The following EXOC4 variants were observed in gnomAD, a reference collection of about 807,000 sequenced individuals.
EXOC4 encodes exocyst complex component 4.
A neutral mutation model predicts 107.2 loss-of-function variants in EXOC4; 71 were observed. The ratio of observed to expected loss-of-function variants is 0.66; its 90% CI spans 0.55 to 0.81. The LOEUF (loss-of-function observed/expected upper bound fraction) is 0.81, where lower values mean the gene tolerates loss of function less well. EXOC4 is among the 30% of genes least tolerant of loss of function. The probability of loss-of-function intolerance (pLI) is 0.00; values close to 1 mark genes in which losing one functional copy is unlikely to be tolerated. For missense variants in EXOC4, 1,108 were observed against 1,189.6 expected, an observed-to-expected ratio of 0.93 and a Z score of 1.01; for synonymous variants, 456 against 441.2, an observed-to-expected ratio of 1.03 and a Z score of -0.42.
chr7:133,795,640 A>G (rs1471014639), intron 10 of EXOC4, among the ~76,000 whole-genome samples: 1 of 152,174 alleles, frequency 6.6e-6, no homozygotes, highest in Non-Finnish European at 1.5e-5. Context: ...CTCTATATGA[A>G]TTTGCCTTTT....
chr7:133,778,781 T>C (rs761377069), intron 10 of EXOC4, among the ~76,000 whole-genome samples: 6 of 152,246 alleles, frequency 3.9e-5, no homozygotes, highest in Non-Finnish European at 8.8e-5. Context: ...TATTAGTCTA[T>C]AATGTGGTCT....
intron 12 of EXOC4, among the ~76,000 whole-genome samples, chr7:133,907,573 C>T (rs1799595093): frequency 6.6e-6 from 1 of 152,124 alleles, no homozygotes; most frequent in African/African-American, 2.4e-5. Context: ...CAGGGTGGCT[C>T]ACACCTGTAA....
At chr7:134,090,551 A>C in the EXOC4 span, among the ~76,000 whole-genome samples, 1 of 152,160 alleles carries the variant, frequency 6.6e-6, no homozygotes, top group African/African-American at 2.4e-5. Flanking sequence ...CATTAATTCA[A>C]CTGGTTAGCA....
intron 10 of EXOC4, among the ~76,000 whole-genome samples, chr7:133,797,118 C>T (rs947265842): frequency 9.9e-5 from 15 of 152,110 alleles, no homozygotes; most frequent in African/African-American, 3.6e-4. Flanking sequence ...GGCTTAGGAA[C>T]GTTTGGAGTT....
chr7:133,350,915 A>G (rs1176334980), intron 5 of EXOC4, among the ~76,000 whole-genome samples: 1 of 152,014 alleles, frequency 6.6e-6, no homozygotes. Context: ...TAGCTTATAT[A>G]TATTATAGCT....
intron 7 of EXOC4, among the ~76,000 whole-genome samples, chr7:133,463,540 G>T (rs1798644241): frequency 6.6e-6 from 1 of 152,144 alleles, no homozygotes; most frequent in East Asian, 1.9e-4. Flanking sequence ...TAATAAAAAT[G>T]GAAGAGAGCA....
At chr7:133,647,190 A>G (rs1022068485) in intron 10 of EXOC4, among the ~76,000 whole-genome samples, 1 of 152,158 alleles carries the variant, frequency 6.6e-6, no homozygotes, top group Non-Finnish European at 1.5e-5. Context: ...GAATCCTCTT[A>G]TTTTGGATCA....
chr7:134,056,813 A>C (rs1164569368), intron 17 of EXOC4, among the ~76,000 whole-genome samples: 2 of 152,206 alleles, frequency 1.3e-5, no homozygotes, highest in African/African-American at 4.8e-5. Context: ...GGGAACAAAA[A>C]GAAATTTTCT....
At chr7:133,485,002 C>A (rs539586438) in intron 9 of EXOC4, among the ~76,000 whole-genome samples, 1 of 149,842 alleles carries the variant, frequency 6.7e-6, no homozygotes, top group Non-Finnish European at 1.5e-5. Context: ...ATCGCTTGAA[C>A]CTGGAAGGTG....
chr7:133,602,153 GTATC>G (rs1801823568), intron 9 of EXOC4: 1 of 152,188 alleles, frequency 6.6e-6, no homozygotes, highest in Admixed American at 6.5e-5. Context: ...AAACAAATTT[GTATC>G]TATAGAAGGT....
rs531914635 is a variant in EXOC4 at position 133,680,280 on chromosome 7, A to G, written c.1514+50139A>G. ...TTATTTTTTTGATCTTTTTTCATTC[A>G]CTACAATTCTAAATTGAAAAATCTC... On this transcript the variant is annotated intron_variant, in intron 10 of 17. Coordinates refer to ENST00000253861, the MANE Select transcript of EXOC4 (RefSeq NM_021807.4). Among the ~76,000 whole-genome samples the G allele has an allele frequency of 2.6e-5, 4 of 152,270 alleles. No homozygotes were observed. In the East Asian group the frequency reaches 5.8e-4, roughly 22 times the overall value.
At chr7:133,725,696 A>T (rs557187313) in intron 10 of EXOC4, among the ~76,000 whole-genome samples, 4 of 152,116 alleles carry the variant, frequency 2.6e-5, no homozygotes, top group Non-Finnish European at 5.9e-5. Context: ...TTTCATAGGG[A>T]CTCTATGACA....
chr7:133,973,034 T>A (rs1313839307), intron 14 of EXOC4, among the ~76,000 whole-genome samples: 1 of 152,190 alleles, frequency 6.6e-6, no homozygotes, highest in Non-Finnish European at 1.5e-5. Flanking sequence ...CACTATCTTA[T>A]GAGGACATTA....
chr7:133,323,762 T>TG (rs1394847000), intron 5 of EXOC4, among the ~76,000 whole-genome samples: 2 of 152,212 alleles, frequency 1.3e-5, no homozygotes, highest in East Asian at 1.9e-4. Flanking sequence ...TTTCTGTTGA[T>TG]TGGAATAGTT....
intron 14 of EXOC4, among the ~76,000 whole-genome samples, chr7:133,939,105 A>G (rs1269320433): frequency 6.6e-6 from 1 of 152,224 alleles, no homozygotes; most frequent in Non-Finnish European, 1.5e-5. Flanking sequence ...AGAAAAAGCA[A>G]AAGAAACAGC....
At chr7:133,576,856 T>C (rs1287106359) in intron 9 of EXOC4, 1 of 1,289,296 alleles carries the variant, frequency 7.8e-7, no homozygotes, top group Non-Finnish European at 1.0e-6. Flanking sequence ...TCATCTGTTT[T>C]AAGATGAATT....
chr7:133,372,130 A>G (rs1796390366), intron 6 of EXOC4, among the ~76,000 whole-genome samples: 1 of 152,204 alleles, frequency 6.6e-6, no homozygotes, highest in Admixed American at 6.5e-5. Flanking sequence ...TATCAGATTA[A>G]TGATTTACAA....
the EXOC4 span, among the ~76,000 whole-genome samples, chr7:134,085,364 T>C: frequency 1.3e-5 from 2 of 151,534 alleles, no homozygotes; most frequent in East Asian, 1.9e-4. Flanking sequence ...TTTTAAACTC[T>C]GGAAATTAAC....
chr7:133,588,354 A>G (rs1042656610), intron 9 of EXOC4, among the ~76,000 whole-genome samples: 1 of 152,212 alleles, frequency 6.6e-6, no homozygotes, highest in Non-Finnish European at 1.5e-5. Context: ...CTTTAAAAAT[A>G]TTAAATGATA....
Sources: gnomAD v4.1 joint callset for allele counts (sites outside exome capture counted in the v4.1 genomes callset) on GRCh38, gnomAD v4.1.1 for gene constraint, MANE v1.5 for transcripts, NCBI Gene and HGNC (gene_info 2026-07-23, HGNC 2026-07-21) for gene names.